The following ALG14 variants were observed in gnomAD, a reference collection of about 807,000 sequenced individuals.
ALG14 encodes ALG14 UDP-N-acetylglucosaminyltransferase subunit.
A neutral mutation model predicts 22.8 loss-of-function variants in ALG14; 17 were observed. The ratio of observed to expected loss-of-function variants is 0.75; its 90% confidence interval spans 0.51 to 1.12. ALG14 has a LOEUF of 1.12. Among genes scored for constraint, ALG14 ranks in the 50% most tolerant of loss-of-function variants. ALG14 has a pLI of 0.00. For synonymous variants in ALG14, 89 were observed against 103.7 expected (o/e 0.86, Z 0.86); for missense variants, 288 against 271.8 (o/e 1.06, Z -0.42).
At chr1:95,023,875 C>T (rs1447103051) in intron 3 of ALG14, among the ~76,000 whole-genome samples, 1 of 152,054 alleles carries the variant, frequency 6.6e-6, no homozygotes, top group African/African-American at 2.4e-5. Flanking sequence ...TGATGACTCA[C>T]TTAATCCAGT....
chr1:94,987,671 G>T (rs1672677959), intron 3 of ALG14, among the ~76,000 whole-genome samples: 1 of 152,248 alleles, frequency 6.6e-6, no homozygotes, highest in Non-Finnish European at 1.5e-5. Flanking sequence ...GGAAACTCAT[G>T]GATAAGAAAA....
intron 2 of ALG14, among the ~76,000 whole-genome samples, chr1:95,052,127 C>T (rs1674770677): frequency 6.6e-6 from 1 of 151,992 alleles, no homozygotes; most frequent in South Asian, 2.1e-4. Flanking sequence ...AAAGGAAGGA[C>T]AAAACCAAGA....
chr1:95,063,635 T>C (rs1675247030), intron 2 of ALG14, among the ~76,000 whole-genome samples: 1 of 152,208 alleles, frequency 6.6e-6, no homozygotes, highest in Non-Finnish European at 1.5e-5. Flanking sequence ...TCTGTTCCAT[T>C]GGTCTGTATC....
chr1:95,040,829 C>T lies in ALG14; in HGVS notation c.289-13569G>A, dbSNP rs569822098. 1.8e-4 allele frequency among the ~76,000 whole-genome samples: 28 copies of T among 152,098 alleles called. No homozygotes were observed. In the South Asian group the frequency reaches 4.6e-3, roughly 25 times the overall value. ...TACTGCTCTTCATGTTGTAAGAATC[C>T]CATACAATACAAATTTAACTGGCAC... On this transcript the variant is annotated intron_variant, in intron 2 of 3. Transcript: ENST00000370205.
intron 3 of ALG14, among the ~76,000 whole-genome samples, chr1:94,998,429 A>G (rs4847220): frequency 0.65 from 98,661 of 152,038 alleles, 33,371 homozygotes; most frequent in African/African-American, 0.83. Context: ...CAATGGGAAG[A>G]TATGAAAGAA....
intron 3 of ALG14, among the ~76,000 whole-genome samples, chr1:95,024,273 G>A (rs1010243339): frequency 1.3e-5 from 2 of 152,034 alleles, no homozygotes; most frequent in African/African-American, 4.8e-5. Context: ...GACCGCGCCC[G>A]GCCTTTTAAA....
At chr1:95,000,795 A>T (rs1673044606) in intron 3 of ALG14, among the ~76,000 whole-genome samples, 1 of 148,008 alleles carries the variant, frequency 6.8e-6, no homozygotes, top group Non-Finnish European at 1.5e-5. Flanking sequence ...AAAAAAAAAA[A>T]AAAAAGGAAT....
At chr1:94,989,891 G>C (rs925741368) in intron 3 of ALG14, among the ~76,000 whole-genome samples, 1 of 152,202 alleles carries the variant, frequency 6.6e-6, no homozygotes, top group African/African-American at 2.4e-5. Context: ...AGATTTGAGA[G>C]CAGCAAATGT....
At chr1:95,070,466 T>C (rs552715974) in intron 1 of ALG14, among the ~76,000 whole-genome samples, 4 of 152,368 alleles carry the variant, frequency 2.6e-5, no homozygotes, top group African/African-American at 9.6e-5. Context: ...ATCTTGTATC[T>C]GTATGTTGGC....
At position 94,976,495 on chromosome 1, in the gene ALG14, C is replaced by G. The variant is rs1027412840; in HGVS notation, c.*6581G>C. On this transcript the variant is annotated 3_prime_UTR_variant, in exon 4 of 4. Transcript: ENST00000370205. ...ATCACTTGAGCCCAGGAGTTCGAGACCAGCCCGGCCAACATGGTGAAACCC... is the reference window on the plus strand; with the variant it reads ...ATCACTTGAGCCCAGGAGTTCGAGAGCAGCCCGGCCAACATGGTGAAACCC... 3.9e-5 allele frequency: 6 copies of G among 152,140 alleles called. No individual in the cohort carries two copies. The highest frequency in any genetic ancestry group is 3.9e-4 in the Admixed American group (6 of 15,260). 9.4% of individuals were successfully genotyped at this position (152,140 alleles called of 1,614,324 possible). A position where few individuals can be genotyped will look rare whatever the true frequency, so the allele number is the denominator to read the frequency against.
chr1:95,011,644 T>C (rs1673366418), intron 3 of ALG14, among the ~76,000 whole-genome samples: 1 of 151,960 alleles, frequency 6.6e-6, no homozygotes, highest in African/African-American at 2.4e-5. Context: ...CTCGATCTCC[T>C]GACCTTGTGA....
intron 1 of ALG14, chr1:95,067,458 A>T (rs973031251): frequency 1.1e-4 from 16 of 152,350 alleles, no homozygotes; most frequent in African/African-American, 3.6e-4. Context: ...TACACTTATT[A>T]TCTTTGGAGA....
chr1:95,072,115 C>G (rs1675585199), intron 1 of ALG14, among the ~76,000 whole-genome samples: 1 of 152,186 alleles, frequency 6.6e-6, no homozygotes, highest in Non-Finnish European at 1.5e-5. Context: ...TTTACTCATA[C>G]TATACATGTT....
chr1:95,050,940 C>T (rs1200833227), intron 2 of ALG14, among the ~76,000 whole-genome samples: 2 of 148,262 alleles, frequency 1.3e-5, no homozygotes. Context: ...ATCTCCACTT[C>T]CTGCAACCTC....
intron 3 of ALG14, among the ~76,000 whole-genome samples, chr1:94,993,853 C>T (rs187156472): frequency 2.0e-4 from 31 of 152,280 alleles, no homozygotes; most frequent in Admixed American, 1.7e-3. Flanking sequence ...GGATGCACAG[C>T]TTTGGTTTCA....
At chr1:95,031,859 A>G (rs1436285917) in intron 2 of ALG14, among the ~76,000 whole-genome samples, 1 of 152,208 alleles carries the variant, frequency 6.6e-6, no homozygotes, top group African/African-American at 2.4e-5. Context: ...TCCAGGCTGG[A>G]GTGCAGTGGC....
chr1:95,012,631 C>T (rs536037123), intron 3 of ALG14, among the ~76,000 whole-genome samples: 1 of 152,192 alleles, frequency 6.6e-6, no homozygotes, highest in Non-Finnish European at 1.5e-5. Context: ...ATGTGGGTTT[C>T]TCCTTGAGAA....
chr1:95,056,167 T>G (rs767919229), intron 2 of ALG14, among the ~76,000 whole-genome samples: 1 of 151,566 alleles, frequency 6.6e-6, no homozygotes, highest in Non-Finnish European at 1.5e-5. Flanking sequence ...AAAAAAAGAA[T>G]AGAGAGCTAA....
chr1:95,062,237 T>C (rs890561291), intron 2 of ALG14: 1 of 152,204 alleles, frequency 6.6e-6, no homozygotes, highest in Admixed American at 6.5e-5. Flanking sequence ...AACGAAAAAC[T>C]GCTTTCTCTA....
Sources: gnomAD v4.1 joint callset for allele counts (sites outside exome capture counted in the v4.1 genomes callset) on GRCh38, gnomAD v4.1.1 for gene constraint, MANE v1.5 for transcripts, NCBI Gene and HGNC (gene_info 2026-07-23, HGNC 2026-07-21) for gene names.